Variants in EPS8L3 observed in about 807,000 individuals in gnomAD.
EPS8L3 encodes the protein EPS8 signaling adaptor L3, also known as epidermal growth factor receptor kinase substrate 8-like protein 3.
EPS8L3 carries 80 observed loss-of-function variants against 88.5 expected under a neutral mutation model. The observed-to-expected ratio is 0.90, with a 90% CI of 0.75 to 1.09. EPS8L3 has a LOEUF of 1.09. Ranked by LOEUF, EPS8L3 falls within the 50% of genes least tolerant of loss-of-function variation. The pLI, the probability that EPS8L3 is intolerant of heterozygous loss-of-function variation, is 0.00. For missense variants in EPS8L3, 721 were observed against 735.2 expected (o/e 0.98, Z 0.22); for synonymous variants, 286 against 291.0 (o/e 0.98, Z 0.18).
rs200430571 is a variant in EPS8L3 at position 109,750,820 on chromosome 1, G to A, written c.1638-28C>T. On this transcript the variant is annotated intron_variant, in intron 17 of 18. Coordinates refer to ENST00000361965, the MANE Select transcript of EPS8L3 (RefSeq NM_133181.4). ...GTGAACAAAACAGCAAAAGCCATCCGTGGTGGGCTGGAAGGACCCTGGGCC... is the reference window on the plus strand; with the variant it reads ...GTGAACAAAACAGCAAAAGCCATCCATGGTGGGCTGGAAGGACCCTGGGCC... The A allele has an allele frequency of 5.5e-5, 88 of 1,613,398 alleles. No individual in the cohort carries two copies. The African/African-American group carries it at 8.7e-4, about 16-fold the overall frequency.
rs1650471125 is a variant in EPS8L3 at position 109,758,045 on chromosome 1, T to C, written c.731A>G (p.His244Arg). Residue 244 changes from histidine (H) to arginine (R), a missense_variant, in exon 9 of 19, where the codon CAT becomes CGT. Physicochemically the swap from His to Arg is conservative, Grantham distance 29. Transcript: ENST00000361965. ...DPERDEEVLN[H>R]VLRDIELFMG... Reference sequence around the variant, plus strand: ...GAACAGCTCAATGTCCCTTAGGACATGGTTCAGCACTTCCTGGGCCCCAAA... The same window carrying C: ...GAACAGCTCAATGTCCCTTAGGACACGGTTCAGCACTTCCTGGGCCCCAAA... The C allele has an allele frequency of 2.5e-6, 4 of 1,614,042 alleles. No individual in the cohort carries two copies. The highest frequency in any genetic ancestry group is 1.3e-5 in the African/African-American group (1 of 75,048).
At chr1:109,762,944 C>T (rs374363902) in intron 1 of EPS8L3, among the ~76,000 whole-genome samples, 5 of 152,160 alleles carry the variant, frequency 3.3e-5, no homozygotes, top group South Asian at 2.1e-4. Flanking sequence ...GTGTGTGTCC[C>T]GGGTGGGGGT....
intron 8 of EPS8L3, 60 bp downstream of exon 8, chr1:109,758,256 G>C: frequency 1.3e-6 from 2 of 1,495,918 alleles, no homozygotes; most frequent in Non-Finnish European, 1.9e-6. Context: ...GGGAGGGTTG[G>C]TGTCCTTCCT....
At chr1:109,763,257 C>T (rs1207137578) in intron 1 of EPS8L3, among the ~76,000 whole-genome samples, 1 of 152,158 alleles carries the variant, frequency 6.6e-6, no homozygotes, top group Non-Finnish European at 1.5e-5. Flanking sequence ...TAAGGCGGGG[C>T]TAGAAGCCTG....
intron 17 of EPS8L3, 101 bp from the exon 18 acceptor site, chr1:109,750,893 T>TA: frequency 7.0e-7 from 1 of 1,431,698 alleles, no homozygotes; most frequent in Non-Finnish European, 9.5e-7. Flanking sequence ...AGGTTGGGGT[T>TA]ACAGAAAAAT....
In EPS8L3 at chr1:109,753,157, G is replaced by A. The variant is rs920972791; in HGVS notation, c.1160C>T (p.Thr387Ile). 1.9e-6 allele frequency: 3 copies of A among 1,613,294 alleles called. No homozygotes were observed. The African/African-American group carries it at 4.0e-5, about 22-fold the overall frequency. ...TGGAAGTTGCCAGTCATCTGAGAATGTGGGTTGGTAGGGCAGGGGCTCATC... is the reference window on the plus strand; with the variant it reads ...TGGAAGTTGCCAGTCATCTGAGAATATGGGTTGGTAGGGCAGGGGCTCATC... ...TGDEPLPYQP[T>I]FSDDWQLPEP... The change falls in exon 13 of 19, where the codon ACA becomes ATA. Residue 387 changes from threonine (T) to isoleucine (I), a missense_variant. By Grantham distance (89) the Thr-to-Ile change is moderately conservative. Transcript: ENST00000361965.
chr1:109,758,125 C>T, intron 8 of EPS8L3, 67 bp from the exon 9 acceptor site: 1 of 1,425,798 alleles, frequency 7.0e-7, no homozygotes, highest in South Asian at 1.2e-5. Flanking sequence ...CCCACACTGC[C>T]CCCCGCACCC....
At position 109,760,503 on chromosome 1, in the gene EPS8L3, C is replaced by T. The variant is rs569808287; in HGVS notation, c.97-667G>A. On this transcript the variant is annotated intron_variant, in intron 3 of 18. Transcript: ENST00000361965. ...CAGCCTGCCTCCTGCCCTTTGACCC[C>T]ACCCCCCTGCCCAGGGCCCAGCTCT... 1.1e-3 allele frequency among the ~76,000 whole-genome samples: 169 copies of T among 152,232 alleles called. 1 individual carries two copies. The highest frequency in any genetic ancestry group is 3.6e-3 in the African/African-American group (151 of 41,538).
rs777286240 is a variant in EPS8L3 at position 109,750,838 on chromosome 1, C to G, written c.1638-46G>C. 5 of 1,609,984 alleles carry G rather than the reference C, an allele frequency of 3.1e-6. No homozygotes were observed. In the South Asian group the frequency reaches 5.5e-5, roughly 18 times the overall value. ...GCCATCCGTGGTGGGCTGGAAGGAC[C>G]CTGGGCCTGAGCGTTTGGGCAGAGA... On this transcript the variant is annotated intron_variant, in intron 17 of 18. Transcript: ENST00000361965.
intron 12 of EPS8L3, among the ~76,000 whole-genome samples, chr1:109,756,753 A>G (rs1650318519): frequency 1.3e-5 from 2 of 152,240 alleles, no homozygotes; most frequent in Admixed American, 6.5e-5. Context: ...GAAGGTTGCC[A>G]TCTCCCTTTT....
Position 109,750,271 on chromosome 1 carries a change from G to T in EPS8L3, c.*120C>A. 1 of 1,214,580 alleles carries T rather than the reference G, an allele frequency of 8.2e-7. No individual in the cohort carries two copies. The highest frequency in any genetic ancestry group is 1.3e-5 in the South Asian group (1 of 75,496). The allele number at this position is 1,214,580 out of a possible 1,614,324, so 75.2% of individuals were successfully genotyped here. On this transcript the variant is annotated 3_prime_UTR_variant, in exon 19 of 19. Transcript: ENST00000361965. ...GTCCATTGTTTTTGCTGTGTGAGCTGGGGTGTGGGGTTTGCTGCAAACTGG... is the reference window on the plus strand; with the variant it reads ...GTCCATTGTTTTTGCTGTGTGAGCTTGGGTGTGGGGTTTGCTGCAAACTGG...
intron 10 of EPS8L3, 35 bp downstream of exon 10, chr1:109,757,767 G>A: frequency 6.3e-7 from 1 of 1,597,198 alleles, no homozygotes; most frequent in South Asian, 1.1e-5. Context: ...AAGGGGAAGA[G>A]GAGAGGCCTG....
chr1:109,756,665 A>G (rs1372448765), intron 12 of EPS8L3, among the ~76,000 whole-genome samples: 3 of 152,236 alleles, frequency 2.0e-5, no homozygotes, highest in Non-Finnish European at 4.4e-5. Flanking sequence ...CTCTTACGTC[A>G]GTAATTCTTA....
At position 109,759,099 on chromosome 1, in the gene EPS8L3, T is replaced by C; in HGVS notation, c.424A>G (p.Ser142Gly). 1 of 1,610,998 alleles carries C rather than the reference T, an allele frequency of 6.2e-7. No individual in the cohort carries two copies. The highest frequency in any genetic ancestry group is 8.5e-7 in the Non-Finnish European group (1 of 1,179,330). Residue 142 changes from serine to glycine, a missense_variant, in exon 6 of 19, where the codon AGC (serine) becomes GGC (glycine). Physicochemically the swap from Ser to Gly is moderately conservative, Grantham distance 56 (BLOSUM62 0). Coordinates refer to ENST00000361965, the MANE Select transcript of EPS8L3 (RefSeq NM_133181.4). This position sits in a 1 kb window ranked among gnomAD's most constrained non-coding sequence, Gnocchi z 4.2. ...TCTTCCTCCAGAGCCTTCTGCAGGC[T>C]GGTCTTCAGTCGCTCTGCCTGGGAA... ...QEVGAERLKT[S>G]LQKALEEELE...
In EPS8L3 at chr1:109,752,468, G is replaced by T. The variant is rs970733295; in HGVS notation, c.1235+218C>A. The T allele has an allele frequency of 1.2e-5, 7 of 604,292 alleles. No individual in the cohort carries two copies. The African/African-American group carries it at 1.3e-4, about 11-fold the overall frequency. The allele number at this position is 604,292 out of a possible 1,614,324, so 37.4% of individuals were successfully genotyped here. A position where few individuals can be genotyped will look rare whatever the true frequency, so the allele number is the denominator to read the frequency against. Reference sequence around the variant, plus strand: ...TATACTTGAGTATGGGAAATCAGAAGCATGTGTGGGTAGTATCATGAGAAG... The same window carrying T: ...TATACTTGAGTATGGGAAATCAGAATCATGTGTGGGTAGTATCATGAGAAG... On this transcript the variant is annotated intron_variant, in intron 14 of 18. Coordinates refer to ENST00000361965, the MANE Select transcript of EPS8L3 (RefSeq NM_133181.4).
Position 109,759,021 on chromosome 1 carries a change from G to T in EPS8L3, c.461+41C>A. On this transcript the variant is annotated intron_variant, in intron 6 of 18. Coordinates refer to ENST00000361965, the MANE Select transcript of EPS8L3 (RefSeq NM_133181.4). The surrounding 1 kb of genome is among the most constrained non-coding windows in gnomAD (Gnocchi z 4.2). ...GTCAGGGTCTGGCCCCCGAGGCTGA[G>T]CTGGGAGGCCCCATAGGTGGGCTGG... 1 of 1,565,276 alleles carries T rather than the reference G, an allele frequency of 6.4e-7. No homozygotes were observed.
In EPS8L3 at chr1:109,759,109, T is replaced by C. The variant is rs1194400075; in HGVS notation, c.414A>G (p.Arg138=). 3 of 1,611,684 alleles carry C rather than the reference T, an allele frequency of 1.9e-6. No homozygotes were observed. In the South Asian group the frequency reaches 3.3e-5, roughly 18 times the overall value. The stretch of plus-strand genomic sequence containing the variant: ...GAGCCTTCTGCAGGCTGGTCTTCAG[T>C]CGCTCTGCCTGGGAAGCAGCAGTCA... ...LFQCQEVGAE[R]LKTSLQKALE... is the part of the protein sequence containing the mutation. Residue 138 remains arginine, a synonymous_variant, in exon 6 of 19, where the codon CGA becomes CGG. Coordinates refer to ENST00000361965, the MANE Select transcript of EPS8L3 (RefSeq NM_133181.4). The surrounding 1 kb of genome is among the most constrained non-coding windows in gnomAD (Gnocchi z 4.2).
At chr1:109,761,839 G>A (rs972323114) in intron 1 of EPS8L3, 66 bp from the exon 2 acceptor site, 7 of 1,433,650 alleles carry the variant, frequency 4.9e-6, no homozygotes, top group Admixed American at 1.7e-5. Flanking sequence ...GCACAGCAGG[G>A]CAGGACAGTT....
intron 12 of EPS8L3, among the ~76,000 whole-genome samples, chr1:109,754,449 C>T (rs2101437925): frequency 6.6e-6 from 1 of 152,214 alleles, no homozygotes; most frequent in Non-Finnish European, 1.5e-5. Context: ...ATTCTATTTT[C>T]TATGTTTCTG....
Sources: gnomAD v4.1 joint callset for allele counts (sites outside exome capture counted in the v4.1 genomes callset) on GRCh38, gnomAD v4.1.1 for gene constraint, Gnocchi (gnomAD v3.1) non-coding constraint, MANE v1.5 for transcripts, NCBI Gene and HGNC (gene_info 2026-07-23, HGNC 2026-07-21) for gene names.